The following STK39 variants were observed in gnomAD, a reference collection of about 807,000 sequenced individuals.
STK39 encodes serine/threonine kinase 39.
STK39 carries 20 observed loss-of-function variants against 77.8 expected under a neutral mutation model. That is an observed-to-expected ratio of 0.26 (90% CI 0.18 to 0.37). The LOEUF (loss-of-function observed/expected upper bound fraction) is 0.37. Among genes scored for constraint, STK39 ranks in the 10% least tolerant of loss-of-function variants. STK39 has a pLI of 1.00. For missense variants in STK39, 479 were observed against 656.5 expected (o/e 0.73, Z 2.95); for synonymous variants, 246 against 234.1 (o/e 1.05, Z -0.47).
intron 3 of STK39, 78 bp from the exon 4 acceptor site, chr2:168,163,958 T>C: frequency 1.9e-5 from 29 of 1,514,534 alleles, no homozygotes; most frequent in Non-Finnish European, 2.6e-5. Context: ...ATGTATAAAA[T>C]TTAATAGAAA....
chr2:167,965,164 T>C (rs995819458), intron 16 of STK39, among the ~76,000 whole-genome samples: 1 of 151,406 alleles, frequency 6.6e-6, no homozygotes, highest in African/African-American at 2.4e-5. Flanking sequence ...TCTCTGGAAA[T>C]AGAAGGTCAG....
chr2:168,025,151 T>A (rs1684664895), intron 14 of STK39, among the ~76,000 whole-genome samples: 1 of 152,188 alleles, frequency 6.6e-6, no homozygotes, highest in South Asian at 2.1e-4. Flanking sequence ...AGTGTTAATG[T>A]TCCATCCCTC....
At chr2:167,964,924 TC>T (rs1233145255) in intron 16 of STK39, among the ~76,000 whole-genome samples, 198 bp from the exon 17 acceptor site, 1 of 152,234 alleles carries the variant, frequency 6.6e-6, no homozygotes, top group Non-Finnish European at 1.5e-5. Context: ...ATTTCAGCAA[TC>T]TTGTATCTAT....
At chr2:168,118,602 C>CAAA (rs35533319) in intron 10 of STK39, among the ~76,000 whole-genome samples, 1,752 of 119,030 alleles carry the variant, frequency 0.015, 15 homozygotes, top group Non-Finnish European at 0.021. Flanking sequence ...CATATGCTTT[C>CAAA]AAAAAAAAAA....
chr2:168,209,521 A>G (rs995796278), intron 1 of STK39, among the ~76,000 whole-genome samples: 2 of 151,930 alleles, frequency 1.3e-5, no homozygotes, highest in Non-Finnish European at 2.9e-5. Flanking sequence ...TACTAAAAAT[A>G]CAAAATTAGC....
At chr2:168,164,022 T>A in intron 3 of STK39, 142 bp from the exon 4 acceptor site, 2 of 1,278,140 alleles carry the variant, frequency 1.6e-6, no homozygotes, top group South Asian at 1.6e-5. Flanking sequence ...AACAAACAAT[T>A]GAATGGGGGC....
At chr2:167,989,583 G>A (rs1263501351) in intron 16 of STK39, among the ~76,000 whole-genome samples, 1 of 152,174 alleles carries the variant, frequency 6.6e-6, no homozygotes, top group Non-Finnish European at 1.5e-5. Context: ...GGGTGATAGA[G>A]TTAGCAGGGC....
chr2:168,009,548 A>G (rs1177623208), intron 16 of STK39, among the ~76,000 whole-genome samples: 1 of 152,228 alleles, frequency 6.6e-6, no homozygotes, highest in African/African-American at 2.4e-5. Flanking sequence ...ACCAGTTGCA[A>G]CAGTCTAGAT....
chr2:168,185,819 T>C (rs1689196220), intron 1 of STK39, among the ~76,000 whole-genome samples: 1 of 152,232 alleles, frequency 6.6e-6, no homozygotes, highest in Admixed American at 6.5e-5. Context: ...TATTTGCTTA[T>C]ATTAATTCAT....
intron 10 of STK39, among the ~76,000 whole-genome samples, chr2:168,081,360 T>C (rs1376613183): frequency 6.6e-6 from 1 of 152,190 alleles, no homozygotes; most frequent in Non-Finnish European, 1.5e-5. Context: ...TTTGGAGCTT[T>C]AAGATTTGAC....
intron 16 of STK39, among the ~76,000 whole-genome samples, chr2:168,003,821 A>G (rs1295775257): frequency 6.6e-6 from 1 of 152,206 alleles, no homozygotes. Flanking sequence ...AAATCATAGT[A>G]CAGTTGTGTA....
intron 14 of STK39, among the ~76,000 whole-genome samples, chr2:168,059,917 G>T (rs1574429625): frequency 6.6e-6 from 1 of 152,214 alleles, no homozygotes; most frequent in African/African-American, 2.4e-5. Context: ...CTCCTTTAGG[G>T]CAAGAAGTCT....
intron 8 of STK39, among the ~76,000 whole-genome samples, chr2:168,135,836 T>C (rs1284642176): frequency 2.0e-5 from 3 of 152,146 alleles, no homozygotes; most frequent in Non-Finnish European, 2.9e-5. Flanking sequence ...AATTGCACAA[T>C]AGTGAGAACA....
chr2:168,155,560 C>G (rs1688404583), intron 5 of STK39, among the ~76,000 whole-genome samples: 1 of 141,310 alleles, frequency 7.1e-6, no homozygotes, highest in South Asian at 2.2e-4. Context: ...AAAGCACTTG[C>G]ACCCCCCCCA....
intron 1 of STK39, among the ~76,000 whole-genome samples, chr2:168,233,534 T>C (rs978924672): frequency 1.3e-5 from 2 of 152,212 alleles, no homozygotes. Context: ...ATTAAGGAAC[T>C]GGCTTAAATG....
At chr2:168,125,624 A>G (rs1341280755) in intron 10 of STK39, among the ~76,000 whole-genome samples, 36 of 152,266 alleles carry the variant, frequency 2.4e-4, no homozygotes, top group Non-Finnish European at 4.9e-4. Flanking sequence ...ATGATCCCTA[A>G]ACAACACTGT....
chr2:168,198,780 C>T (rs1008278814), intron 1 of STK39, among the ~76,000 whole-genome samples: 7 of 152,194 alleles, frequency 4.6e-5, no homozygotes, highest in Admixed American at 2.0e-4. Context: ...ACAGATGAAA[C>T]ACTTCAAGAG....
At chr2:168,072,505 C>T (rs1307860695) in intron 12 of STK39, among the ~76,000 whole-genome samples, 1 of 152,164 alleles carries the variant, frequency 6.6e-6, no homozygotes, top group East Asian at 1.9e-4. Flanking sequence ...TTGTAACAAA[C>T]CACATAATTT....
intron 10 of STK39, among the ~76,000 whole-genome samples, chr2:168,117,838 C>T (rs944043169): frequency 1.3e-5 from 2 of 152,080 alleles, no homozygotes; most frequent in Admixed American, 6.6e-5. Flanking sequence ...GTGATGTGCA[C>T]CTCATCTTAT....
Sources: gnomAD v4.1 joint callset for allele counts (sites outside exome capture counted in the v4.1 genomes callset) on GRCh38, gnomAD v4.1.1 for gene constraint, MANE v1.5 for transcripts, NCBI Gene and HGNC (gene_info 2026-07-23, HGNC 2026-07-21) for gene names.